RBFOX1: variants seen among roughly 807,000 people sequenced by gnomAD.
The protein encoded by RBFOX1 is RNA binding protein fox-1 homolog 1.
A neutral mutation model predicts 57.7 loss-of-function variants in RBFOX1; 8 were observed. The observed-to-expected ratio is 0.14, with a 90% CI of 0.08 to 0.25. The LOEUF (loss-of-function observed/expected upper bound fraction) is 0.25. Ranked by LOEUF, RBFOX1 falls within the 10% of genes least tolerant of loss-of-function variation. The pLI is 1.00. For synonymous variants in RBFOX1, 326 were observed against 222.4 expected (o/e 1.47, Z -4.15); for missense variants, 611 against 548.5 (o/e 1.11, Z -1.14).
At chr16:7,557,140 G>A (rs372500796) in intron 5 of RBFOX1, among the ~76,000 whole-genome samples, 1 of 152,228 alleles carries the variant, frequency 6.6e-6, no homozygotes, top group East Asian at 1.9e-4. Context: ...GGGAACTGAG[G>A]TACCATGGAG....
At chr16:6,654,474 A>C in intron 2 of RBFOX1, 129 bp from the exon 3 acceptor site, 3 of 699,834 alleles carry the variant, frequency 4.3e-6, no homozygotes, top group Non-Finnish European at 6.8e-6. Context: ...TGACTCGAGA[A>C]AGAACTATTA....
chr16:6,617,863 G>A (rs2098166313), intron 2 of RBFOX1, among the ~76,000 whole-genome samples: 1 of 152,312 alleles, frequency 6.6e-6, no homozygotes, highest in Admixed American at 6.5e-5. Context: ...TTTCAATAAG[G>A]ATGGAAAGTA....
At chr16:6,483,339 G>C in intron 2 of RBFOX1, 2 of 1,475,326 alleles carry the variant, frequency 1.4e-6, no homozygotes, top group South Asian at 2.7e-5. Context: ...CCTGCTGGCG[G>C]TCGTGCCAGG....
At chr16:6,115,553 C>T (rs1276364117) in intron 1 of RBFOX1, among the ~76,000 whole-genome samples, 1 of 151,886 alleles carries the variant, frequency 6.6e-6, no homozygotes, top group African/African-American at 2.4e-5. Flanking sequence ...GTTTTTTTTC[C>T]CCTCTGTCCT....
intron 4 of RBFOX1, among the ~76,000 whole-genome samples, chr16:7,232,011 C>T (rs2093525103): frequency 6.6e-6 from 1 of 151,982 alleles, no homozygotes; most frequent in Non-Finnish European, 1.5e-5. Context: ...TGTGAATGAA[C>T]AAAATGCCAC....
intron 11 of RBFOX1, among the ~76,000 whole-genome samples, chr16:7,652,422 A>C (rs1250247596): frequency 2.0e-5 from 3 of 152,128 alleles, no homozygotes; most frequent in African/African-American, 7.2e-5. Flanking sequence ...TCTTCTTCTT[A>C]TTTGAGAAAA....
intron 4 of RBFOX1, among the ~76,000 whole-genome samples, chr16:7,349,503 A>G (rs901271967): frequency 7.9e-5 from 12 of 151,150 alleles, no homozygotes; most frequent in African/African-American, 2.9e-4. Flanking sequence ...AGTCCTTGTC[A>G]GAATGTGCAC....
At chr16:7,136,440 T>A (rs2071999664) in intron 4 of RBFOX1, among the ~76,000 whole-genome samples, 1 of 149,770 alleles carries the variant, frequency 6.7e-6, no homozygotes, top group Non-Finnish European at 1.5e-5. Flanking sequence ...AGGGTCTTGT[T>A]CTGTTATCCA....
chr16:6,487,745 ATATATAT>A (rs1567405910), intron 2 of RBFOX1, among the ~76,000 whole-genome samples: 2 of 71,442 alleles, frequency 2.8e-5, no homozygotes, highest in African/African-American at 5.1e-5. Context: ...ATATATATAT[ATATATAT>A]ATAAAATATT....
chr16:5,264,581 C>T (rs1439144263), intron 1 of RBFOX1, among the ~76,000 whole-genome samples: 1 of 152,142 alleles, frequency 6.6e-6, no homozygotes, highest in African/African-American at 2.4e-5. Flanking sequence ...TGTATTAAAA[C>T]ATTTTTGTAT....
chr16:6,127,793 A>G lies in RBFOX1; in HGVS notation c.-127+107801A>G, dbSNP rs190080084. Among the ~76,000 whole-genome samples the G allele has an allele frequency of 2.5e-3, 384 of 152,316 alleles. 1 individual carries two copies. Among genetic ancestry groups the G allele is most frequent in the African/African-American group, 8.8e-3 (365 of 41,572 alleles). On this transcript the variant is annotated intron_variant, in intron 1 of 15. Transcript: ENST00000550418. ...CTCAGTTGAGTGACATTGACTTGCT[A>G]CTTTTGTAACAGCTACTTTGGTTTG...
At chr16:7,583,382 A>G (rs772358407) in intron 6 of RBFOX1, among the ~76,000 whole-genome samples, 5 of 152,236 alleles carry the variant, frequency 3.3e-5, no homozygotes, top group Non-Finnish European at 5.9e-5. Flanking sequence ...ATGCATGAGC[A>G]TGCATTTTCT....
chr16:7,208,605 G>A (rs908150741), intron 4 of RBFOX1, among the ~76,000 whole-genome samples: 1 of 152,176 alleles, frequency 6.6e-6, no homozygotes, highest in Non-Finnish European at 1.5e-5. Flanking sequence ...GGAGGCTGTG[G>A]TGGGAAGTTT....
intron 1 of RBFOX1, among the ~76,000 whole-genome samples, chr16:6,066,087 A>T (rs2095757346): frequency 1.3e-5 from 2 of 152,068 alleles, no homozygotes; most frequent in Non-Finnish European, 2.9e-5. Flanking sequence ...TGAGGTTAGG[A>T]GATTGAGACC....
chr16:7,336,384 C>T (rs1230523972), intron 4 of RBFOX1, among the ~76,000 whole-genome samples: 4 of 152,226 alleles, frequency 2.6e-5, no homozygotes, highest in Admixed American at 6.5e-5. Context: ...GTCACTTTCA[C>T]TATTGGACAA....
At chr16:5,997,260 G>T (rs536775972) in intron 4 of RBFOX1, among the ~76,000 whole-genome samples, 1 of 152,224 alleles carries the variant, frequency 6.6e-6, no homozygotes, top group African/African-American at 2.4e-5. Flanking sequence ...GAATGAAGAT[G>T]TTGGAGCCTG....
At chr16:7,509,773 C>A (rs1019189) in intron 4 of RBFOX1, among the ~76,000 whole-genome samples, 94,482 of 151,938 alleles carry the variant, frequency 0.62, 30,684 homozygotes, top group Middle Eastern at 0.73. Flanking sequence ...CATCCTCTGT[C>A]TCTTCCCTTT....
At chr16:5,448,537 C>T (rs1433036453) in intron 1 of RBFOX1, among the ~76,000 whole-genome samples, 1 of 152,204 alleles carries the variant, frequency 6.6e-6, no homozygotes, top group East Asian at 1.9e-4. Flanking sequence ...ACTGTGTTTT[C>T]TGGGTCTCCT....
At chr16:7,419,133 C>T (rs1437059908) in intron 4 of RBFOX1, among the ~76,000 whole-genome samples, 2 of 152,144 alleles carry the variant, frequency 1.3e-5, no homozygotes, top group Non-Finnish European at 2.9e-5. Flanking sequence ...GTCTGGAACT[C>T]CTGGGCTCAA....
Sources: gnomAD v4.1 joint callset for allele counts (sites outside exome capture counted in the v4.1 genomes callset) on GRCh38, gnomAD v4.1.1 for gene constraint, MANE v1.5 for transcripts, NCBI Gene and HGNC (gene_info 2026-07-23, HGNC 2026-07-21) for gene names.